COL6A6: variants seen among roughly 807,000 people sequenced by gnomAD.
COL6A6 encodes the protein collagen type VI alpha 6 chain.
Under a neutral mutation model 208.6 loss-of-function variants are expected in COL6A6, and 183 were observed. The ratio of observed to expected loss-of-function variants is 0.88; its 90% CI spans 0.78 to 0.99. The LOEUF is 0.99. COL6A6 is among the 50% of genes least tolerant of loss of function. The pLI is 0.00. For missense variants in COL6A6, 2,816 were observed against 2,815.2 expected (o/e 1.00, Z -0.01); for synonymous variants, 973 against 1,011.8 (o/e 0.96, Z 0.73).
At chr3:130,651,425 C>CAAA (rs35957602) in intron 33 of COL6A6, among the ~76,000 whole-genome samples, 103 of 60,784 alleles carry the variant, frequency 1.7e-3, no homozygotes, top group South Asian at 3.1e-3. Context: ...GACTCCATCT[C>CAAA]AAAAAAAAAA....
chr3:130,668,212 C>T (rs1576429720), intron 36 of COL6A6, among the ~76,000 whole-genome samples: 1 of 152,012 alleles, frequency 6.6e-6, no homozygotes, highest in Non-Finnish European at 1.5e-5. Flanking sequence ...CGCGGTGGCT[C>T]ATGCCTATAA....
intron 20 of COL6A6, among the ~76,000 whole-genome samples, chr3:130,604,411 C>T (rs1266240021): frequency 1.3e-5 from 2 of 150,830 alleles, no homozygotes; most frequent in African/African-American, 2.4e-5. Context: ...AGGAGAATGG[C>T]GTGAACCCGG....
intron 31 of COL6A6, among the ~76,000 whole-genome samples, chr3:130,644,269 A>G (rs1182190752): frequency 6.6e-6 from 1 of 152,230 alleles, no homozygotes; most frequent in Non-Finnish European, 1.5e-5. Context: ...AGAGAAGTCT[A>G]AAGCAGCATT....
intron 1 of COL6A6, among the ~76,000 whole-genome samples, chr3:130,540,465 T>TAC (rs60236428): frequency 0.77 from 117,305 of 152,030 alleles, 46,172 homozygotes; most frequent in Non-Finnish European, 0.85. Context: ...TTCACTGACC[T>TAC]ACAGATCCTT....
chr3:130,626,448 C>T (rs1239227445), intron 24 of COL6A6, 37 bp from the exon 25 acceptor site: 1 of 1,499,998 alleles, frequency 6.7e-7, no homozygotes, highest in African/African-American at 1.4e-5. Context: ...CCATCATTTC[C>T]AATTTCCAAC....
intron 8 of COL6A6, 151 bp from the exon 9 acceptor site, chr3:130,581,410 T>C (rs2063417368): frequency 1.8e-6 from 1 of 550,524 alleles, no homozygotes; most frequent in Non-Finnish European, 3.2e-6. Flanking sequence ...GAGTTGATTC[T>C]TAGCCTCTTT....
Position 130,673,221 on chromosome 3 carries a change from A to C in COL6A6, c.6597-1981A>C, listed in dbSNP as rs199588849. 1.5e-3 allele frequency among the ~76,000 whole-genome samples: 177 copies of C among 117,054 alleles called. 2 individuals carry two copies. The South Asian group carries it at 0.02, about 13-fold the overall frequency. 76.8% of individuals were successfully genotyped at this position (117,054 alleles called of 152,430 possible). On this transcript the variant is annotated intron_variant, in intron 36 of 36. Coordinates refer to ENST00000358511, the MANE Select transcript of COL6A6 (RefSeq NM_001102608.3). ...AAACAAAAAAAACAAAAAAAACAAA[A>C]AAAAAAAACAAAACCCAAGTGCAAA...
Position 130,563,482 on chromosome 3 carries a change from A to G in COL6A6, c.479A>G (p.Lys160Arg). Residue 160 changes from lysine (K) to arginine (R), a missense_variant, in exon 3 of 37, where the codon AAA becomes AGA. Transcript: ENST00000358511. The stretch of plus-strand genomic sequence containing the variant: ...AAGGCCCTGCGGAAAGACGGAGTGA[A>G]AATCATCTCTGTAGGGGTGCAGAAA... ...ASKALRKDGV[K>R]IISVGVQKAS... 1 of 1,614,040 alleles carries G rather than the reference A, an allele frequency of 6.2e-7. No homozygotes were observed. The highest frequency in any genetic ancestry group is 8.5e-7 in the Non-Finnish European group (1 of 1,179,898).
At chr3:130,580,634 T>A (rs2063396726) in intron 8 of COL6A6, among the ~76,000 whole-genome samples, 1 of 152,186 alleles carries the variant, frequency 6.6e-6, no homozygotes, top group Admixed American at 6.5e-5. Context: ...ATGTGTTCAG[T>A]TTGCTGAAAA....
chr3:130,593,303 G>A, intron 17 of COL6A6, 51 bp downstream of exon 17: 3 of 1,412,056 alleles, frequency 2.1e-6, no homozygotes, highest in South Asian at 1.2e-5. Flanking sequence ...GATTAAGGGT[G>A]TGATTAACAG....
chr3:130,651,789 G>A (rs995980107), intron 33 of COL6A6, among the ~76,000 whole-genome samples: 42 of 152,188 alleles, frequency 2.8e-4, no homozygotes, highest in African/African-American at 1.0e-3. Flanking sequence ...TTTCTCTCCT[G>A]ATGCAAATTG....
At chr3:130,577,429 G>T (rs193065877) in intron 8 of COL6A6, among the ~76,000 whole-genome samples, 1 of 152,168 alleles carries the variant, frequency 6.6e-6, no homozygotes, top group African/African-American at 2.4e-5. Flanking sequence ...TAAGTGTTGT[G>T]CTTCACCAAT....
At chr3:130,576,822 A>T (rs1294296804) in intron 8 of COL6A6, among the ~76,000 whole-genome samples, 7 of 152,208 alleles carry the variant, frequency 4.6e-5, no homozygotes, top group Non-Finnish European at 1.0e-4. Flanking sequence ...AGGGGATGCC[A>T]GTTCTTTTTA....
In COL6A6 at chr3:130,673,673, G is replaced by A. The variant is rs947589882; in HGVS notation, c.6597-1529G>A. The stretch of plus-strand genomic sequence containing the variant: ...CTCTGCAAGATAATAAGGAAATGCT[G>A]GGATGGTACATGGGTGGCTAACTCC... On this transcript the variant is annotated intron_variant, in intron 36 of 36. Transcript: ENST00000358511. Among the ~76,000 whole-genome samples, 37 of 152,132 alleles carry A rather than the reference G, an allele frequency of 2.4e-4. 1 individual carries two copies. The highest frequency in any genetic ancestry group is 2.4e-3 in the Admixed American group (37 of 15,272).
intron 1 of COL6A6, among the ~76,000 whole-genome samples, chr3:130,539,809 C>T (rs111953657): frequency 1.7e-3 from 259 of 152,286 alleles, no homozygotes; most frequent in African/African-American, 5.8e-3. Flanking sequence ...GACAAATACT[C>T]CCTGCAATTG....
rs139231574 is a variant in COL6A6, at chr3:130,619,356, A to G, written c.4816-2465A>G. Among the ~76,000 whole-genome samples, 29 of 152,312 alleles carry G rather than the reference A, an allele frequency of 1.9e-4. 1 individual carries two copies. The highest frequency in any genetic ancestry group is 5.5e-4 in the African/African-American group (23 of 41,570). Reference sequence around the variant, plus strand: ...CTCCCTAGAGGGAAAAAAATGGACCAGCTGAGGGAAAAATTTGCATGAGTG... The same window carrying G: ...CTCCCTAGAGGGAAAAAAATGGACCGGCTGAGGGAAAAATTTGCATGAGTG... On this transcript the variant is annotated intron_variant, in intron 23 of 36. Transcript: ENST00000358511.
intron 23 of COL6A6, among the ~76,000 whole-genome samples, chr3:130,618,944 T>A (rs2108258865): frequency 6.6e-6 from 1 of 152,322 alleles, no homozygotes; most frequent in South Asian, 2.1e-4. Flanking sequence ...TCTAGACAGA[T>A]CTTCCAATTT....
rs1405009596 is a variant in COL6A6 at position 130,589,176 on chromosome 3, G to A, written c.4212G>A (p.Gly1404=). The change falls in exon 12 of 37, where the codon GGG becomes GGA. Residue 1404 remains glycine (G), a synonymous_variant. Coordinates refer to ENST00000358511, the MANE Select transcript of COL6A6 (RefSeq NM_001102608.3). ...DGTMGDPGPP[G]KRGPPGFKGS... is the part of the protein sequence containing the mutation. ...CAATGGGAGATCCTGGACCACCAGGGAAAAGGGTGATTTTAGCTCAGATTT... is the reference window on the plus strand; with the variant it reads ...CAATGGGAGATCCTGGACCACCAGGAAAAAGGGTGATTTTAGCTCAGATTT... 1.9e-6 allele frequency: 3 copies of A among 1,611,466 alleles called. No individual in the cohort carries two copies. Among genetic ancestry groups the A allele is most frequent in the Admixed American group, 1.7e-5 (1 of 59,994 alleles).
Position 130,568,093 on chromosome 3 carries a change from T to C in COL6A6, c.1890T>C (p.Ser630=). ...ACATCATGTTTCTGGTGGACAGTTC[T>C]GGAAGTATAGGACCTGAAAACTTCA... ...KADIMFLVDS[S]GSIGPENFSK... The change falls in exon 6 of 37, where the codon TCT becomes TCC. Residue 630 remains serine, a synonymous_variant. Transcript: ENST00000358511. 1 of 1,613,988 alleles carries C rather than the reference T, an allele frequency of 6.2e-7. No individual in the cohort carries two copies. Among genetic ancestry groups the C allele is most frequent in the Non-Finnish European group, 8.5e-7 (1 of 1,179,882 alleles).
Sources: gnomAD v4.1 joint callset for allele counts (sites outside exome capture counted in the v4.1 genomes callset) on GRCh38, gnomAD v4.1.1 for gene constraint, MANE v1.5 for transcripts, NCBI Gene and HGNC (gene_info 2026-07-23, HGNC 2026-07-21) for gene names.